Variants in PTPRM observed in about 807,000 individuals in gnomAD.
PTPRM encodes protein tyrosine phosphatase receptor type M.
Under a neutral mutation model 186.7 loss-of-function variants are expected in PTPRM, and 47 were observed. That is an observed-to-expected ratio of 0.25 (90% CI 0.20 to 0.32). PTPRM has a LOEUF of 0.32. Among genes scored for constraint, PTPRM ranks in the 10% least tolerant of loss-of-function variants. PTPRM has a pLI of 1.00. For missense variants in PTPRM, 1,494 were observed against 1,865.0 expected, an observed-to-expected ratio of 0.80 and a Z score of 3.66; for synonymous variants, 668 against 674.9, an observed-to-expected ratio of 0.99 and a Z score of 0.16.
At chr18:7,701,860 A>G (rs2039974332) in intron 1 of PTPRM, among the ~76,000 whole-genome samples, 2 of 151,150 alleles carry the variant, frequency 1.3e-5, no homozygotes, top group Admixed American at 1.3e-4. Flanking sequence ...CTACTCCCCA[A>G]CCCCCTGACA....
chr18:8,067,224 A>G (rs2089150184), intron 7 of PTPRM, among the ~76,000 whole-genome samples: 1 of 152,176 alleles, frequency 6.6e-6, no homozygotes, highest in African/African-American at 2.4e-5. Context: ...AAAAGGGCAA[A>G]GGGACACATG....
At chr18:7,875,604 G>A (rs748181369) in intron 2 of PTPRM, among the ~76,000 whole-genome samples, 7 of 152,088 alleles carry the variant, frequency 4.6e-5, no homozygotes, top group East Asian at 1.9e-4. Context: ...GATTACCGGC[G>A]TGAGCCTCTG....
intron 1 of PTPRM, among the ~76,000 whole-genome samples, chr18:7,689,061 G>A (rs2039674809): frequency 6.6e-6 from 1 of 152,290 alleles, no homozygotes; most frequent in Middle Eastern, 3.4e-3. Context: ...AATATGGCAT[G>A]TCCTGTTCTT....
chr18:7,715,228 A>G (rs1367626194), intron 1 of PTPRM, among the ~76,000 whole-genome samples: 2 of 152,242 alleles, frequency 1.3e-5, no homozygotes, highest in Non-Finnish European at 2.9e-5. Flanking sequence ...AACGTAATCC[A>G]TTACATAAAC....
intron 1 of PTPRM, among the ~76,000 whole-genome samples, chr18:7,593,713 T>G (rs569944896): frequency 6.6e-6 from 1 of 152,308 alleles, no homozygotes; most frequent in Admixed American, 6.5e-5. Flanking sequence ...AAATGGGCAT[T>G]GCAGGAATTT....
chr18:7,653,903 A>G (rs1464603680), intron 1 of PTPRM, among the ~76,000 whole-genome samples: 3 of 152,186 alleles, frequency 2.0e-5, no homozygotes, highest in Admixed American at 6.5e-5. Context: ...AGTGCTTTCC[A>G]CAATGGCTGA....
In PTPRM at chr18:7,781,194, G is replaced by A. The variant is rs557400739; in HGVS notation, c.196+6923G>A. ...ATTCTTATTTTCTCTTCTGAATGAC[G>A]CCAGGTAAGAAATAGAAGATATAAA... On this transcript the variant is annotated intron_variant, in intron 2 of 32. Coordinates refer to ENST00000580170, the MANE Select transcript of PTPRM (RefSeq NM_001105244.2). Among the ~76,000 whole-genome samples, 4 of 152,082 alleles carry A rather than the reference G, an allele frequency of 2.6e-5. No homozygotes were observed. The East Asian group carries it at 5.8e-4, about 22-fold the overall frequency.
intron 32 of PTPRM, among the ~76,000 whole-genome samples, 171 bp downstream of exon 32, chr18:8,394,782 T>C (rs1240507633): frequency 6.6e-6 from 1 of 152,190 alleles, no homozygotes; most frequent in Non-Finnish European, 1.5e-5. Context: ...TTCTCCCTCT[T>C]CCTCTCTTTG....
chr18:7,825,917 C>T (rs1489719317), intron 2 of PTPRM, among the ~76,000 whole-genome samples: 1 of 152,160 alleles, frequency 6.6e-6, no homozygotes, highest in Non-Finnish European at 1.5e-5. Flanking sequence ...TGGCATTGTT[C>T]TAGAAGCTTT....
At chr18:7,779,836 C>T (rs2042769523) in intron 2 of PTPRM, among the ~76,000 whole-genome samples, 1 of 152,198 alleles carries the variant, frequency 6.6e-6, no homozygotes, top group South Asian at 2.1e-4. Context: ...ATGTGCTATG[C>T]ATTGTTTTAG....
intron 1 of PTPRM, among the ~76,000 whole-genome samples, chr18:7,672,299 G>GT (rs1031108173): frequency 4.6e-5 from 7 of 151,252 alleles, no homozygotes; most frequent in Non-Finnish European, 7.4e-5. Context: ...TTCAGGTTAA[G>GT]TTTTTTTTTC....
At chr18:7,696,725 G>A (rs780653269) in intron 1 of PTPRM, among the ~76,000 whole-genome samples, 4 of 152,180 alleles carry the variant, frequency 2.6e-5, no homozygotes, top group Admixed American at 6.5e-5. Flanking sequence ...ACGGTGTCCC[G>A]TCTGTTCTTG....
intron 20 of PTPRM, among the ~76,000 whole-genome samples, chr18:8,303,129 A>C (rs894117704): frequency 6.6e-6 from 1 of 152,108 alleles, no homozygotes; most frequent in Non-Finnish European, 1.5e-5. Context: ...AAGGGGCTTT[A>C]ATAATGGGCG....
At chr18:7,889,964 G>T (rs1189705556) in intron 3 of PTPRM, among the ~76,000 whole-genome samples, 2 of 152,194 alleles carry the variant, frequency 1.3e-5, no homozygotes, top group African/African-American at 4.8e-5. Context: ...ATTCAGAAGT[G>T]GTACCAAAGC....
intron 1 of PTPRM, among the ~76,000 whole-genome samples, chr18:7,760,575 T>C (rs1235815737): frequency 1.3e-5 from 2 of 152,194 alleles, no homozygotes; most frequent in African/African-American, 2.4e-5. Context: ...CATGCTTTTT[T>C]TTATAGACAG....
chr18:7,706,617 A>AC (rs1285910883), intron 1 of PTPRM, among the ~76,000 whole-genome samples: 12 of 149,558 alleles, frequency 8.0e-5, no homozygotes, highest in Non-Finnish European at 1.6e-4. Context: ...AAAAAAAAAA[A>AC]AAAAAAAAAA....
At chr18:7,763,505 A>G (rs939622777) in intron 1 of PTPRM, among the ~76,000 whole-genome samples, 4 of 152,210 alleles carry the variant, frequency 2.6e-5, no homozygotes, top group African/African-American at 9.6e-5. Flanking sequence ...AGCAAGACAC[A>G]TGTAACTGAT....
intron 4 of PTPRM, among the ~76,000 whole-genome samples, chr18:7,912,141 T>G (rs967824266): frequency 6.6e-6 from 1 of 152,110 alleles, no homozygotes; most frequent in Admixed American, 6.5e-5. Context: ...CATAAGCCAC[T>G]GTGCCCGTCC....
At chr18:8,022,825 A>G (rs911151244) in intron 7 of PTPRM, among the ~76,000 whole-genome samples, 9 of 152,174 alleles carry the variant, frequency 5.9e-5, no homozygotes, top group Non-Finnish European at 1.3e-4. Context: ...CCTAACGTTT[A>G]CTGGGCAGTG....
Sources: allele counts gnomAD v4.1 joint callset (sites outside exome capture counted in the v4.1 genomes callset), GRCh38; gene constraint gnomAD v4.1.1; transcripts MANE v1.5; gene names NCBI Gene and HGNC (gene_info 2026-07-23, HGNC 2026-07-21).